PLA2G5: variants seen among roughly 807,000 people sequenced by gnomAD.
The protein encoded by PLA2G5 is phospholipase A2 group V, also known as Ca2+-dependent phospholipase A2.
A neutral mutation model predicts 15.9 loss-of-function variants in PLA2G5; 12 were observed. That is an observed-to-expected ratio of 0.76 (90% CI 0.48 to 1.23). PLA2G5 has a LOEUF of 1.23. Ranked by LOEUF, PLA2G5 falls within the 50% of genes most tolerant of loss-of-function variation. The probability of loss-of-function intolerance (pLI) is 0.00; values close to 1 mark genes in which losing one functional copy is unlikely to be tolerated. For missense variants in PLA2G5, 169 were observed against 177.1 expected (o/e 0.95, Z 0.26); for synonymous variants, 71 against 71.4 (o/e 0.99, Z 0.03).
At chr1:20,054,727 G>A (rs921079808) in intron 1 of PLA2G5, 2 of 151,856 alleles carry the variant, frequency 1.3e-5, no homozygotes, top group Non-Finnish European at 2.9e-5. Context: ...TTTTTCTGCT[G>A]TTTCACAATT....
chr1:20,065,428 T>A (rs962936035), upstream of PLA2G5, among the ~76,000 whole-genome samples: 2 of 152,206 alleles, frequency 1.3e-5, no homozygotes, highest in Non-Finnish European at 2.9e-5. Flanking sequence ...TGTTCATCCC[T>A]CTGTCCTCCC....
chr1:20,029,499 C>A (rs560702277), intron 1 of PLA2G5, among the ~76,000 whole-genome samples: 4 of 152,122 alleles, frequency 2.6e-5, no homozygotes, highest in African/African-American at 4.8e-5. Flanking sequence ...TGCCTGCTAG[C>A]GTCCCGGGTT....
chr1:20,064,126 T>C (rs926112745), intron 2 of PLA2G5, among the ~76,000 whole-genome samples: 28 of 152,224 alleles, frequency 1.8e-4, no homozygotes, highest in African/African-American at 6.8e-4. Context: ...ACTCATTTAG[T>C]TGGAGCAGGG....
upstream of PLA2G5, chr1:20,070,059 G>A (rs2015269033): frequency 3.4e-6 from 1 of 294,870 alleles, no homozygotes; most frequent in Non-Finnish European, 5.0e-6. Flanking sequence ...TTGTGAAGTG[G>A]CTAAAGCCGT....
At chr1:20,031,222 G>T (rs967286541) in intron 1 of PLA2G5, among the ~76,000 whole-genome samples, 5 of 152,186 alleles carry the variant, frequency 3.3e-5, no homozygotes, top group African/African-American at 9.7e-5. Flanking sequence ...ATTTTGGACC[G>T]GGTTCGTGTG....
intron 2 of PLA2G5, among the ~76,000 whole-genome samples, chr1:20,062,279 GGA>G (rs1175812804): frequency 6.6e-6 from 1 of 152,152 alleles, no homozygotes; most frequent in African/African-American, 2.4e-5. Context: ...GAGAACCCCT[GGA>G]GAATACGAAA....
intron 1 of PLA2G5, among the ~76,000 whole-genome samples, chr1:20,047,718 TTGTGTGTGTGTGTGTGTGTG>T (rs57199460): frequency 6.8e-5 from 10 of 147,436 alleles, no homozygotes; most frequent in African/African-American, 2.5e-4. Flanking sequence ...TATAGGATCT[TTGTGTGTGTGTGTGTGTGTG>T]TGTGTGTGTG....
intron 1 of PLA2G5, among the ~76,000 whole-genome samples, chr1:20,036,227 C>CT (rs1020316134): frequency 7.2e-5 from 11 of 152,062 alleles, no homozygotes; most frequent in African/African-American, 2.4e-4. Context: ...AGGTGATGAT[C>CT]TTTTTGTGAT....
intron 1 of PLA2G5, among the ~76,000 whole-genome samples, chr1:20,081,615 G>A (rs1205772191): frequency 6.6e-6 from 1 of 151,718 alleles, no homozygotes; most frequent in African/African-American, 2.4e-5. Flanking sequence ...GGCTTCCCTA[G>A]TTGTCCAGTT....
chr1:20,036,505 A>C (rs1019314888), intron 1 of PLA2G5, among the ~76,000 whole-genome samples: 4 of 151,982 alleles, frequency 2.6e-5, no homozygotes, highest in African/African-American at 9.7e-5. Flanking sequence ...AGCTCTGAAA[A>C]TATTTCTTCT....
rs147525542 is a variant in PLA2G5 at position 20,064,534 on chromosome 1, C to T, written n.338-4339C>T. Among the ~76,000 whole-genome samples, 620 of 151,306 alleles carry T rather than the reference C, an allele frequency of 4.1e-3. 10 individuals are homozygous for T. Among genetic ancestry groups the T allele is most frequent in the African/African-American group, 0.014 (580 of 41,178 alleles). On this transcript the variant is annotated intron_variant and non_coding_transcript_variant, in intron 2 of 6. Coordinates refer to the PLA2G5 transcript ENST00000460175. ...AGGTTGCAGTGAGCTGAGATCATGC[C>T]ACTGTACTTTAGCCTGGGTGACAGA...
chr1:20,067,136 A>C (rs567322647), upstream of PLA2G5, among the ~76,000 whole-genome samples: 31 of 152,208 alleles, frequency 2.0e-4, no homozygotes, highest in Admixed American at 6.5e-4. Flanking sequence ...GCTGGACTAC[A>C]CGTGCACACC....
intron 1 of PLA2G5, among the ~76,000 whole-genome samples, chr1:20,053,525 G>T (rs2014275368): frequency 7.1e-6 from 1 of 141,540 alleles, no homozygotes; most frequent in Non-Finnish European, 1.5e-5. Flanking sequence ...ATTCTATTTT[G>T]GGTTCTATTC....
chr1:20,061,013 G>A lies in PLA2G5; in HGVS notation n.337+1321G>A, dbSNP rs559434201. Among the ~76,000 whole-genome samples, 6 of 152,118 alleles carry A rather than the reference G, an allele frequency of 3.9e-5. No individual in the cohort carries two copies. The East Asian group carries it at 5.8e-4, about 15-fold the overall frequency. On this transcript the variant is annotated intron_variant and non_coding_transcript_variant, in intron 2 of 6. Coordinates refer to the PLA2G5 transcript ENST00000460175. The stretch of plus-strand genomic sequence containing the variant: ...ATTACAGGCATGAGCCATCGCACCC[G>A]GCCTAGAGCAAGTCTTTTGTTGCAG...
chr1:20,058,658 C>T (rs898864370), intron 1 of PLA2G5, among the ~76,000 whole-genome samples: 1 of 152,114 alleles, frequency 6.6e-6, no homozygotes. Context: ...TGAGTCAAGC[C>T]TGCAGGAAGT....
At chr1:20,047,239 T>G (rs1180603908) in intron 1 of PLA2G5, among the ~76,000 whole-genome samples, 1 of 151,946 alleles carries the variant, frequency 6.6e-6, no homozygotes, top group Admixed American at 6.6e-5. Context: ...AACTGAGACA[T>G]GTAAGAGGGT....
At chr1:20,057,296 A>C (rs1378178629) in intron 1 of PLA2G5, among the ~76,000 whole-genome samples, 5 of 149,488 alleles carry the variant, frequency 3.3e-5, no homozygotes, top group African/African-American at 1.2e-4. Context: ...ATAAAGTAGA[A>C]GCTTAGATTA....
chr1:20,043,529 T>C (rs1557726696), intron 1 of PLA2G5, among the ~76,000 whole-genome samples: 2 of 151,906 alleles, frequency 1.3e-5, no homozygotes, highest in Non-Finnish European at 2.9e-5. Flanking sequence ...TATCTGTGGG[T>C]TAAGGTAGTG....
At chr1:20,031,061 G>A (rs1048857688) in intron 1 of PLA2G5, among the ~76,000 whole-genome samples, 1 of 152,200 alleles carries the variant, frequency 6.6e-6, no homozygotes, top group Non-Finnish European at 1.5e-5. Context: ...GGTCAGGGAG[G>A]AGATGAAGGC....
Sources: allele counts gnomAD v4.1 joint callset (sites outside exome capture counted in the v4.1 genomes callset), GRCh38; gene constraint gnomAD v4.1.1; transcripts MANE v1.5; gene names NCBI Gene and HGNC (gene_info 2026-07-23, HGNC 2026-07-21).